ADGRV1: variants seen among roughly 807,000 people sequenced by gnomAD.
ADGRV1 encodes adhesion G protein-coupled receptor V1.
ADGRV1 carries 359 observed loss-of-function variants against 596.2 expected under a neutral mutation model. The ratio of observed to expected loss-of-function variants is 0.60; its 90% CI spans 0.55 to 0.66. The LOEUF (loss-of-function observed/expected upper bound fraction) is 0.66, where lower values mean the gene tolerates loss of function less well. ADGRV1 is among the 30% of genes least tolerant of loss of function. The pLI is 0.00. For missense variants in ADGRV1, 7,274 were observed against 7,575.6 expected (o/e 0.96, Z 1.48); for synonymous variants, 2,681 against 2,679.2 (o/e 1.00, Z -0.02).
intron 39 of ADGRV1, among the ~76,000 whole-genome samples, chr5:90,710,195 A>G (rs749561526): frequency 6.6e-6 from 1 of 152,188 alleles, no homozygotes; most frequent in Non-Finnish European, 1.5e-5. Context: ...AGTGTCCTAG[A>G]CTAAGGTAGC....
rs550685859 is a variant in ADGRV1, at chr5:90,825,430, C to G, written c.16368+1834C>G. On this transcript the variant is annotated intron_variant, in intron 76 of 89. Coordinates refer to ENST00000405460, the MANE Select transcript of ADGRV1 (RefSeq NM_032119.4). ...TTTATATAGACTATAAGACTGTTAG[C>G]TGTTCAAAAATTAGAATATGGTTTT... 3.9e-5 allele frequency among the ~76,000 whole-genome samples: 6 copies of G among 152,266 alleles called. No homozygotes were observed. The South Asian group carries it at 1.2e-3, about 32-fold the overall frequency.
intron 85 of ADGRV1, among the ~76,000 whole-genome samples, chr5:91,013,439 T>A (rs1171096740): frequency 6.6e-6 from 1 of 152,194 alleles, no homozygotes; most frequent in Non-Finnish European, 1.5e-5. Context: ...ATTGTGGTTT[T>A]GATTTGCATT....
At chr5:90,837,417 C>T (rs993303021) in intron 77 of ADGRV1, among the ~76,000 whole-genome samples, 3 of 148,446 alleles carry the variant, frequency 2.0e-5, no homozygotes. Context: ...GTCGCCCTGG[C>T]TGGAGTGCAA....
At chr5:90,995,822 C>T (rs981612844) in intron 85 of ADGRV1, among the ~76,000 whole-genome samples, 5 of 152,298 alleles carry the variant, frequency 3.3e-5, no homozygotes, top group East Asian at 1.9e-4. Context: ...GTAAAGGTCA[C>T]TCTTGCTAAC....
chr5:91,100,510 A>C (rs1791284341), intron 86 of ADGRV1, among the ~76,000 whole-genome samples: 1 of 152,082 alleles, frequency 6.6e-6, no homozygotes, highest in African/African-American at 2.4e-5. Context: ...GGAAGGAAGG[A>C]TGGAAGGAAG....
rs150429028 is a variant in ADGRV1 at position 90,702,961 on chromosome 5, T to A, written c.8156-704T>A. Reference sequence around the variant, plus strand: ...GTCATATGGCCATTAGCACGCTCCCTAACAGCTTACTTTATGCTTTTAGCA... The same window carrying A: ...GTCATATGGCCATTAGCACGCTCCCAAACAGCTTACTTTATGCTTTTAGCA... On this transcript the variant is annotated intron_variant, in intron 34 of 89. Transcript: ENST00000405460. Among the ~76,000 whole-genome samples the A allele has an allele frequency of 0.01, 1,590 of 152,144 alleles. 35 individuals carry two copies. The South Asian group carries it at 0.11, about 10-fold the overall frequency.
chr5:90,725,681 G>GTTT, intron 48 of ADGRV1, 25 bp downstream of exon 48: 2 of 1,052,356 alleles, frequency 1.9e-6, no homozygotes, highest in Non-Finnish European at 2.8e-6. Flanking sequence ...AAATGAAGTG[G>GTTT]GTTTTTTTTT....
At chr5:91,069,952 T>C (rs868866129) in intron 85 of ADGRV1, among the ~76,000 whole-genome samples, 2 of 144,792 alleles carry the variant, frequency 1.4e-5, no homozygotes, top group Non-Finnish European at 1.5e-5. Context: ...AATGAAATCA[T>C]GTCCTTTGCG....
chr5:90,972,365 A>G (rs1779122327), intron 84 of ADGRV1, among the ~76,000 whole-genome samples: 1 of 152,188 alleles, frequency 6.6e-6, no homozygotes, highest in Admixed American at 6.5e-5. Flanking sequence ...ATAGACATCT[A>G]CAGAACTCTC....
rs182406110 is a variant in ADGRV1 at position 91,129,541 on chromosome 5, G to T, written c.18433-20489G>T. On this transcript the variant is annotated intron_variant, in intron 87 of 89. Transcript: ENST00000405460. ...AACAACTTCATTTCAACAATACTGT[G>T]CAGAAAACTGACCACTATTCAAGTA... Among the ~76,000 whole-genome samples the T allele has an allele frequency of 5.3e-4, 80 of 152,234 alleles. 1 individual carries two copies. Among genetic ancestry groups the T allele is most frequent in the Admixed American group, 5.0e-3 (76 of 15,286 alleles).
At position 90,694,358 on chromosome 5, in the gene ADGRV1, G is replaced by C; in HGVS notation, c.7602G>C (p.Met2534Ile). ...VSILPDDFPE[M>I]DESFLISLLE... ...TTCTTCCTGATGATTTCCCAGAGAT[G>C]GATGAGAGTTTTCTAATTTCTCTCC... is the stretch of plus-strand genomic sequence containing the variant. Residue 2534 changes from methionine (M) to isoleucine (I), a missense_variant, in exon 33 of 90, where the codon ATG becomes ATC. Met to Ile is a conservative substitution (Grantham distance 10, BLOSUM62 1). Around this residue, in one of 5 missense-constraint regions of ADGRV1, gnomAD observed 3,643 missense variants for 3,809.2 expected, o/e 0.96. Coordinates refer to ENST00000405460, the MANE Select transcript of ADGRV1 (RefSeq NM_032119.4). 3 of 1,613,952 alleles carry C rather than the reference G, an allele frequency of 1.9e-6. No homozygotes were observed. The highest frequency in any genetic ancestry group is 2.5e-6 in the Non-Finnish European group (3 of 1,179,884).
chr5:90,835,960 T>C (rs897375136), intron 77 of ADGRV1, among the ~76,000 whole-genome samples: 1 of 152,142 alleles, frequency 6.6e-6, no homozygotes, highest in Non-Finnish European at 1.5e-5. Flanking sequence ...CCAGAAAGGA[T>C]GTACAGATGA....
intron 27 of ADGRV1, among the ~76,000 whole-genome samples, chr5:90,681,865 CCTTT>C (rs1333407472): frequency 8.3e-5 from 11 of 131,914 alleles, no homozygotes; most frequent in Non-Finnish European, 1.6e-4. Flanking sequence ...TTCCTTCCTT[CCTTT>C]CTTTCTTTCT....
intron 77 of ADGRV1, among the ~76,000 whole-genome samples, chr5:90,830,421 G>T (rs542811702): frequency 6.6e-6 from 1 of 151,976 alleles, no homozygotes; most frequent in African/African-American, 2.4e-5. Flanking sequence ...AATGTATATC[G>T]TTATAACTTA....
chr5:90,567,054 G>A (rs915093988), intron 1 of ADGRV1, among the ~76,000 whole-genome samples: 1 of 151,964 alleles, frequency 6.6e-6, no homozygotes, highest in African/African-American at 2.4e-5. Flanking sequence ...CTTTTGAGAT[G>A]ATCATGTGAT....
chr5:90,827,406 A>G lies in ADGRV1; in HGVS notation c.16369-1538A>G, dbSNP rs1051207304. Among the ~76,000 whole-genome samples the G allele has an allele frequency of 1.4e-4, 21 of 152,196 alleles. 1 individual carries two copies. Among genetic ancestry groups the G allele is most frequent in the Admixed American group, 1.4e-3 (21 of 15,280 alleles). The stretch of plus-strand genomic sequence containing the variant: ...CTAGTCTAATGATATGTAGGCACCC[A>G]TCTTTACACTGTTCAATTTCAGATG... On this transcript the variant is annotated intron_variant, in intron 76 of 89. Coordinates refer to ENST00000405460, the MANE Select transcript of ADGRV1 (RefSeq NM_032119.4).
intron 1 of ADGRV1, among the ~76,000 whole-genome samples, chr5:90,605,848 C>T (rs1232872493): frequency 4.6e-5 from 7 of 151,380 alleles, no homozygotes; most frequent in African/African-American, 1.2e-4. Context: ...AACATCCTAC[C>T]GGGAAATAAA....
At chr5:90,675,152 ATC>A in intron 23 of ADGRV1, 89 bp from the exon 24 acceptor site, 1 of 1,118,046 alleles carries the variant, frequency 8.9e-7, no homozygotes, top group Non-Finnish European at 1.2e-6. Flanking sequence ...TGGCCTGGTG[ATC>A]AAAATAATTG....
intron 54 of ADGRV1, among the ~76,000 whole-genome samples, chr5:90,754,152 A>G (rs1469641429): frequency 1.3e-5 from 2 of 152,106 alleles, no homozygotes; most frequent in South Asian, 2.1e-4. Flanking sequence ...TCACTCAGCT[A>G]TATTTTCTAT....
Sources: allele counts gnomAD v4.1 joint callset (sites outside exome capture counted in the v4.1 genomes callset), GRCh38; gene constraint gnomAD v4.1.1; regional missense constraint gnomAD v4.1.1; transcripts MANE v1.5; gene names NCBI Gene and HGNC (gene_info 2026-07-23, HGNC 2026-07-21).